CACNA1E: variants seen among roughly 807,000 people sequenced by gnomAD.
CACNA1E encodes the protein calcium voltage-gated channel subunit alpha1 E, also known as voltage-dependent R-type calcium channel subunit alpha-1E.
A neutral mutation model predicts 259.2 loss-of-function variants in CACNA1E; 40 were observed. That is an observed-to-expected ratio of 0.15 (90% CI 0.12 to 0.20). CACNA1E has a LOEUF of 0.20. Ranked by LOEUF, CACNA1E falls within the 10% of genes least tolerant of loss-of-function variation. CACNA1E has a pLI of 1.00. For synonymous variants in CACNA1E, 1,104 were observed against 1,138.5 expected (o/e 0.97, Z 0.61); for missense variants, 1,874 against 3,040.1 (o/e 0.62, Z 9.02).
intron 38 of CACNA1E, among the ~76,000 whole-genome samples, chr1:181,780,830 C>T (rs1160820696): frequency 6.6e-6 from 1 of 152,158 alleles, no homozygotes; most frequent in Non-Finnish European, 1.5e-5. Flanking sequence ...AGCCCACCAC[C>T]TTCAGTGCAA....
intron 1 of CACNA1E, among the ~76,000 whole-genome samples, chr1:181,318,823 T>C (rs2804713): frequency 0.019 from 2,861 of 152,170 alleles, 75 homozygotes; most frequent in African/African-American, 0.063. Flanking sequence ...GGACTGGGAA[T>C]TGGGGCTCGA....
At position 181,501,137 on chromosome 1, in the gene CACNA1E, G is replaced by A. The variant is rs890485388; in HGVS notation, c.267-9340G>A. Among the ~76,000 whole-genome samples the A allele has an allele frequency of 5.9e-5, 9 of 152,178 alleles. No homozygotes were observed. The South Asian group carries it at 1.5e-3, about 25-fold the overall frequency. On this transcript the variant is annotated intron_variant, in intron 1 of 47. Transcript: ENST00000367573. ...TTTTCTTTTTTCCCTTTTCTGTAGC[G>A]TTCAATCATTTGTCTGCTGTTCACC...
rs561358616 is a variant in CACNA1E, at chr1:181,403,339, G to A, written c.-14-9794G>A. ...ATTATTTTTATTGATGATGGTGGTGGAGGTGGTGTCTAGTATGACCCCTCA... is the reference window on the plus strand; with the variant it reads ...ATTATTTTTATTGATGATGGTGGTGAAGGTGGTGTCTAGTATGACCCCTCA... On this transcript the variant is annotated intron_variant, in intron 1 of 11. Transcript: ENST00000524607. Among the ~76,000 whole-genome samples the A allele has an allele frequency of 4.6e-5, 7 of 151,636 alleles. No individual in the cohort carries two copies. The East Asian group carries it at 1.4e-3, about 29-fold the overall frequency.
At chr1:181,462,732 TGA>T (rs968773416) in intron 2 of CACNA1E, among the ~76,000 whole-genome samples, 3 of 152,210 alleles carry the variant, frequency 2.0e-5, no homozygotes, top group African/African-American at 7.2e-5. Context: ...ATGAATTTTT[TGA>T]GTTTTAAAGT....
intron 1 of CACNA1E, among the ~76,000 whole-genome samples, chr1:181,399,237 A>C (rs1277319034): frequency 6.6e-6 from 1 of 151,148 alleles, no homozygotes; most frequent in Non-Finnish European, 1.5e-5. Flanking sequence ...TTTAAAGGAA[A>C]AGAGGTAGAA....
chr1:181,499,153 C>T (rs530910124), intron 1 of CACNA1E, among the ~76,000 whole-genome samples: 65 of 152,280 alleles, frequency 4.3e-4, no homozygotes, highest in African/African-American at 1.5e-3. Context: ...AAGAGCAGAT[C>T]TCAGCAGATG....
chr1:181,774,763 T>C (rs777477748), intron 37 of CACNA1E, among the ~76,000 whole-genome samples: 14 of 152,246 alleles, frequency 9.2e-5, no homozygotes, highest in Non-Finnish European at 1.6e-4. Flanking sequence ...CTGTACACCC[T>C]GTCTGCATAT....
chr1:181,634,258 AG>A (rs888478855), intron 6 of CACNA1E, among the ~76,000 whole-genome samples: 4 of 152,218 alleles, frequency 2.6e-5, no homozygotes, highest in Non-Finnish European at 5.9e-5. Flanking sequence ...AAAAGAAATC[AG>A]GTATGAGAAA....
At chr1:181,380,303 T>C (rs535874867) in intron 1 of CACNA1E, among the ~76,000 whole-genome samples, 1 of 152,154 alleles carries the variant, frequency 6.6e-6, no homozygotes, top group African/African-American at 2.4e-5. Context: ...TAAATGCTTA[T>C]TTTGGAAAAG....
At chr1:181,435,630 AT>A (rs1178571092) in intron 2 of CACNA1E, among the ~76,000 whole-genome samples, 4 of 152,154 alleles carry the variant, frequency 2.6e-5, no homozygotes, top group Non-Finnish European at 5.9e-5. Context: ...AACCATGGCC[AT>A]TTATTTATGT....
intron 1 of CACNA1E, among the ~76,000 whole-genome samples, chr1:181,500,280 T>G (rs1665131124): frequency 6.6e-6 from 1 of 152,216 alleles, no homozygotes; most frequent in Non-Finnish European, 1.5e-5. Context: ...CTTAACATCC[T>G]TGACACTCCC....
At chr1:181,509,569 A>C (rs1665995936) in intron 1 of CACNA1E, among the ~76,000 whole-genome samples, 1 of 152,156 alleles carries the variant, frequency 6.6e-6, no homozygotes, top group Non-Finnish European at 1.5e-5. Context: ...CAACATGCAG[A>C]ATGACAGCAC....
intron 18 of CACNA1E, among the ~76,000 whole-genome samples, chr1:181,730,896 G>A (rs1475457194): frequency 6.6e-6 from 1 of 152,246 alleles, no homozygotes; most frequent in Non-Finnish European, 1.5e-5. Context: ...CATGGTGTTT[G>A]AGCATCTGGA....
At chr1:181,538,317 G>T (rs192740893) in intron 3 of CACNA1E, among the ~76,000 whole-genome samples, 1 of 152,230 alleles carries the variant, frequency 6.6e-6, no homozygotes, top group East Asian at 1.9e-4. Flanking sequence ...TGCTTTAAGG[G>T]AACTTACATT....
At chr1:181,490,326 G>C (rs1303480009) in intron 1 of CACNA1E, among the ~76,000 whole-genome samples, 3 of 151,676 alleles carry the variant, frequency 2.0e-5, no homozygotes, top group Non-Finnish European at 4.4e-5. Flanking sequence ...ATTGTATCTT[G>C]AGCTCCAAAT....
intron 7 of CACNA1E, among the ~76,000 whole-genome samples, chr1:181,705,799 A>G (rs560489681): frequency 2.0e-5 from 3 of 152,336 alleles, no homozygotes; most frequent in African/African-American, 7.2e-5. Context: ...GCCTCTGGTT[A>G]TGAGCCTAGG....
At chr1:181,793,857 A>G in intron 45 of CACNA1E, 64 bp downstream of exon 45, 1 of 1,528,628 alleles carries the variant, frequency 6.5e-7, no homozygotes, top group South Asian at 1.3e-5. Context: ...GTTATGGAAT[A>G]ATATCTGATA....
At chr1:181,676,362 C>T (rs1005419132) in intron 7 of CACNA1E, among the ~76,000 whole-genome samples, 16 of 152,120 alleles carry the variant, frequency 1.1e-4, no homozygotes, top group African/African-American at 3.6e-4. Context: ...ATGGCCAGGA[C>T]GTTGCACTAC....
chr1:181,550,293 T>A (rs1424387002), intron 3 of CACNA1E, among the ~76,000 whole-genome samples: 1 of 152,088 alleles, frequency 6.6e-6, no homozygotes, highest in Non-Finnish European at 1.5e-5. Flanking sequence ...GGAGAGGGGA[T>A]GAGGGTGGCT....
Sources: gnomAD v4.1 joint callset for allele counts (sites outside exome capture counted in the v4.1 genomes callset) on GRCh38, gnomAD v4.1.1 for gene constraint, MANE v1.5 for transcripts, NCBI Gene and HGNC (gene_info 2026-07-23, HGNC 2026-07-21) for gene names.